The following INSIG2 variants were observed in gnomAD, a reference collection of about 807,000 sequenced individuals.
The protein encoded by INSIG2 is insulin induced gene 2, also known as insulin-induced gene 2 protein.
Under a neutral mutation model 27.2 loss-of-function variants are expected in INSIG2, and 10 were observed. The observed-to-expected ratio is 0.37, with a 90% CI of 0.23 to 0.62. The LOEUF is 0.62. INSIG2 is among the 20% of genes least tolerant of loss of function. INSIG2 has a pLI of 0.65. For synonymous variants in INSIG2, 97 were observed against 95.8 expected (o/e 1.01, Z -0.07); for missense variants, 178 against 270.2 (o/e 0.66, Z 2.39).
At chr2:118,106,255 C>T (rs978302371) in intron 3 of INSIG2, among the ~76,000 whole-genome samples, 1 of 152,068 alleles carries the variant, frequency 6.6e-6, no homozygotes, top group Admixed American at 6.6e-5. Context: ...AATGTGGTAC[C>T]CTGTTAAATA....
rs538184595 is a variant in INSIG2 at position 118,109,612 on chromosome 2, C to T, written c.*1290C>T. On this transcript the variant is annotated 3_prime_UTR_variant, in exon 6 of 6. Coordinates refer to ENST00000245787, the MANE Select transcript of INSIG2 (RefSeq NM_016133.4). ...TCTGGGGTGTGAGTATGTGTGCACACGTGTGTGTTGGAGTGAGTGAGAGAA... is the reference window on the plus strand; with the variant it reads ...TCTGGGGTGTGAGTATGTGTGCACATGTGTGTGTTGGAGTGAGTGAGAGAA... 3 of 152,360 alleles carry T rather than the reference C, an allele frequency of 2.0e-5. No individual in the cohort carries two copies. The highest frequency in any genetic ancestry group is 2.4e-5 in the African/African-American group (1 of 41,396). The allele number at this position is 152,360 out of a possible 1,614,324, so 9.4% of individuals were successfully genotyped here.
intron 2 of INSIG2, among the ~76,000 whole-genome samples, chr2:118,102,115 A>G (rs550551555): frequency 6.6e-6 from 1 of 152,360 alleles, no homozygotes; most frequent in Non-Finnish European, 1.5e-5. Context: ...TTGTAATTTC[A>G]TGATTCCTCT....
In INSIG2 at chr2:118,096,500, C is replaced by T; in HGVS notation, c.-57C>T. ...TTGATTCACAGACAGTTGAGCTTTT[C>T]AGCTGGGAAGCCTTTCCATTTTTTT... On this transcript the variant is annotated 5_prime_UTR_variant, in exon 2 of 6. Coordinates refer to ENST00000245787, the MANE Select transcript of INSIG2 (RefSeq NM_016133.4). 1.3e-6 allele frequency: 2 copies of T among 1,538,270 alleles called. No individual in the cohort carries two copies. Among genetic ancestry groups the T allele is most frequent in the East Asian group, 2.3e-5 (1 of 44,222 alleles).
At chr2:118,106,681 A>G in intron 3 of INSIG2, 56 bp from the exon 4 acceptor site, 3 of 1,429,516 alleles carry the variant, frequency 2.1e-6, no homozygotes, top group East Asian at 4.6e-5. Context: ...AGAAAAATGA[A>G]CAGATGATAT....
At chr2:118,105,470 G>T (rs1678652116) in intron 3 of INSIG2, among the ~76,000 whole-genome samples, 1 of 152,216 alleles carries the variant, frequency 6.6e-6, no homozygotes, top group Admixed American at 6.5e-5. Context: ...CTTTACATGA[G>T]TGTTTATTTC....
intron 1 of INSIG2, among the ~76,000 whole-genome samples, chr2:118,090,362 G>T (rs1678195836): frequency 1.3e-5 from 2 of 152,170 alleles, no homozygotes; most frequent in African/African-American, 4.8e-5. Flanking sequence ...AGAAGATTTT[G>T]TATGTGTGTT....
intron 1 of INSIG2, among the ~76,000 whole-genome samples, chr2:118,089,796 A>G (rs1018907446): frequency 6.6e-6 from 1 of 152,368 alleles, no homozygotes; most frequent in Non-Finnish European, 1.5e-5. Context: ...GGAAAAGGAA[A>G]GAATAAAATG....
intron 2 of INSIG2, among the ~76,000 whole-genome samples, chr2:118,100,629 C>T (rs978580224): frequency 3.3e-5 from 5 of 152,076 alleles, no homozygotes; most frequent in African/African-American, 9.7e-5. Flanking sequence ...TCGCCTGCCT[C>T]GGCCTCTCAA....
chr2:118,094,015 ATG>A (rs1678341317), intron 1 of INSIG2, among the ~76,000 whole-genome samples: 3 of 78,082 alleles, frequency 3.8e-5, no homozygotes, highest in Non-Finnish European at 2.6e-5. Context: ...CAACCAGATG[ATG>A]ATGATGATGA....
chr2:118,105,213 C>T lies in INSIG2; in HGVS notation c.370-1524C>T, dbSNP rs573382366. The stretch of plus-strand genomic sequence containing the variant: ...CTGCCACCACACCCGGTGAATTTTT[C>T]TGTATTTTTAGTAGAGATGGGGTTT... On this transcript the variant is annotated intron_variant, in intron 3 of 5. Transcript: ENST00000245787. Among the ~76,000 whole-genome samples the T allele has an allele frequency of 6.7e-5, 10 of 150,360 alleles. No homozygotes were observed. The South Asian group carries it at 2.1e-3, about 31-fold the overall frequency.
At chr2:118,103,080 GTTTT>G (rs761963504) in intron 2 of INSIG2, 113 bp from the exon 3 acceptor site, 2 of 646,362 alleles carry the variant, frequency 3.1e-6, no homozygotes, top group Non-Finnish European at 2.3e-6. Flanking sequence ...TTTTTTTTTT[GTTTT>G]TTTTTTTTTA....
chr2:118,106,506 G>A (rs1206671093), intron 3 of INSIG2, among the ~76,000 whole-genome samples: 2 of 152,128 alleles, frequency 1.3e-5, no homozygotes, highest in Admixed American at 1.3e-4. Flanking sequence ...TTTTGGAGGG[G>A]TTACAGTTGG....
chr2:118,096,938 T>C, intron 2 of INSIG2, 138 bp downstream of exon 2: 4 of 947,592 alleles, frequency 4.2e-6, no homozygotes, highest in Non-Finnish European at 6.1e-6. Flanking sequence ...CTGGACCCGT[T>C]TGAATTGAAC....
rs1482903247 is a variant in INSIG2, at chr2:118,109,207, A to G, written c.*885A>G. Reference sequence around the variant, plus strand: ...CTCATTGCTTTTGCACATGGAGCATATAGGAAACTCCAAACAGATCACAAT... The same window carrying G: ...CTCATTGCTTTTGCACATGGAGCATGTAGGAAACTCCAAACAGATCACAAT... On this transcript the variant is annotated 3_prime_UTR_variant, in exon 6 of 6. Transcript: ENST00000245787. 3.9e-5 allele frequency: 6 copies of G among 152,218 alleles called. No homozygotes were observed. The East Asian group carries it at 9.6e-4, about 24-fold the overall frequency. The allele number at this position is 152,218 out of a possible 1,614,324, so 9.4% of individuals were successfully genotyped here. A position where few individuals can be genotyped will look rare whatever the true frequency, so the allele number is the denominator to read the frequency against.
intron 1 of INSIG2, among the ~76,000 whole-genome samples, chr2:118,088,981 G>A (rs1044678394): frequency 6.6e-6 from 1 of 152,230 alleles, no homozygotes; most frequent in Non-Finnish European, 1.5e-5. Context: ...GGTTGTCGTA[G>A]TAAGTTTATA....
chr2:118,103,228 C>T lies in INSIG2; in HGVS notation c.276C>T (p.Asp92=). Residue 92 remains aspartate, a synonymous_variant, in exon 3 of 6, where the codon GAC becomes GAT. Coordinates refer to ENST00000245787, the MANE Select transcript of INSIG2 (RefSeq NM_016133.4). ...TTGGGTTATTATACCCCTGCATTGA[C>T]AGACATCTAGGAGAACCACATAAAT... ...AVIGLLYPCI[D]RHLGEPHKFK... 6 of 1,613,682 alleles carry T rather than the reference C, an allele frequency of 3.7e-6. No individual in the cohort carries two copies. The highest frequency in any genetic ancestry group is 5.1e-6 in the Non-Finnish European group (6 of 1,179,770).
At chr2:118,107,050 A>T (rs1157013942) in intron 4 of INSIG2, 40 bp from the exon 5 acceptor site, 3 of 1,474,256 alleles carry the variant, frequency 2.0e-6, no homozygotes, top group Middle Eastern at 1.7e-4. Context: ...GTGTCATTGC[A>T]GTTCCTCTGT....
chr2:118,107,204 A>C lies in INSIG2; in HGVS notation c.636+15A>C, dbSNP rs777493066. 1.9e-6 allele frequency: 3 copies of C among 1,543,296 alleles called. No individual in the cohort carries two copies. In the African/African-American group the frequency reaches 4.1e-5, roughly 21 times the overall value. On this transcript the variant is annotated intron_variant, in intron 5 of 5. Coordinates refer to ENST00000245787, the MANE Select transcript of INSIG2 (RefSeq NM_016133.4). ...AACTGGCAATGGTAAGCTGATGCTCACTTTTCTGAATAAGATGTGGAACAA... is the reference window on the plus strand; with the variant it reads ...AACTGGCAATGGTAAGCTGATGCTCCCTTTTCTGAATAAGATGTGGAACAA...
At chr2:118,103,454 A>G (rs1678600119) in intron 3 of INSIG2, 133 bp downstream of exon 3, 10 of 701,214 alleles carry the variant, frequency 1.4e-5, no homozygotes, top group Non-Finnish European at 2.1e-5. Flanking sequence ...AATGTCAACC[A>G]TATTGTTGAA....
Sources: allele counts gnomAD v4.1 joint callset (sites outside exome capture counted in the v4.1 genomes callset), GRCh38; gene constraint gnomAD v4.1.1; transcripts MANE v1.5; gene names NCBI Gene and HGNC (gene_info 2026-07-23, HGNC 2026-07-21).